TASP1: variants seen among roughly 807,000 people sequenced by gnomAD.
TASP1 encodes threonine aspartase 1.
TASP1 carries 16 observed loss-of-function variants against 56.6 expected under a neutral mutation model. The observed-to-expected ratio is 0.28, with a 90% CI of 0.19 to 0.43. The LOEUF (loss-of-function observed/expected upper bound fraction) is 0.43, where lower values mean the gene tolerates loss of function less well. Among genes scored for constraint, TASP1 ranks in the 20% least tolerant of loss-of-function variants. The pLI is 1.00. For missense variants in TASP1, 393 were observed against 511.6 expected (o/e 0.77, Z 2.24); for synonymous variants, 179 against 184.2 (o/e 0.97, Z 0.23).
chr20:13,381,597 T>G, the TASP1 span, among the ~76,000 whole-genome samples: 1 of 152,252 alleles, frequency 6.6e-6, no homozygotes, highest in African/African-American at 2.4e-5. Context: ...TCCTCTTTTT[T>G]GCTTCTTTTT....
At position 13,604,924 on chromosome 20, in the gene TASP1, T is replaced by C. The variant is rs548221813; in HGVS notation, c.283-17554A>G. Among the ~76,000 whole-genome samples the C allele has an allele frequency of 7.9e-5, 12 of 151,616 alleles. No homozygotes were observed. In the South Asian group the frequency reaches 2.5e-3, roughly 32 times the overall value. ...AGCAATTCTATTCCTAAGAATTTTA[T>C]CTGTGAGAAATGAAAGCATATGTTC... On this transcript the variant is annotated intron_variant, in intron 4 of 13. Coordinates refer to ENST00000337743, the MANE Select transcript of TASP1 (RefSeq NM_017714.3).
the TASP1 span, among the ~76,000 whole-genome samples, chr20:13,226,155 A>C: frequency 6.7e-6 from 1 of 148,772 alleles, no homozygotes; most frequent in Non-Finnish European, 1.5e-5. Flanking sequence ...GAATGTAGTA[A>C]AATGTCTTTG....
intron 10 of TASP1, among the ~76,000 whole-genome samples, chr20:13,498,892 A>AATTCAAAAAACTTCTGGTGCCC (rs2043838987): frequency 6.6e-6 from 1 of 152,158 alleles, no homozygotes; most frequent in South Asian, 2.1e-4. Flanking sequence ...CCACTGTGGA[A>AATTCAAAAAACTTCTGGTGCCC]AGCAGTTTGG....
chr20:13,116,045 G>T, the TASP1 span, among the ~76,000 whole-genome samples: 1 of 152,046 alleles, frequency 6.6e-6, no homozygotes, highest in African/African-American at 2.4e-5. Context: ...ACTGTATTTG[G>T]CCTTTATTTC....
chr20:13,619,187 C>T (rs774408699), intron 4 of TASP1, among the ~76,000 whole-genome samples: 1 of 152,114 alleles, frequency 6.6e-6, no homozygotes, highest in Non-Finnish European at 1.5e-5. Flanking sequence ...CATGAGCCAC[C>T]GTGCCCGGCC....
the TASP1 span, among the ~76,000 whole-genome samples, chr20:13,124,055 C>T: frequency 6.6e-6 from 1 of 152,210 alleles, no homozygotes; most frequent in Non-Finnish European, 1.5e-5. Context: ...TCCGGATACC[C>T]TGTGGCTGAT....
chr20:13,585,391 T>C (rs2047266350), intron 5 of TASP1, among the ~76,000 whole-genome samples: 1 of 152,108 alleles, frequency 6.6e-6, no homozygotes, highest in Admixed American at 6.6e-5. Flanking sequence ...AAAAACACCA[T>C]TAAGAGATTG....
the TASP1 span, among the ~76,000 whole-genome samples, chr20:13,162,348 G>A: frequency 6.6e-6 from 1 of 152,142 alleles, no homozygotes; most frequent in Non-Finnish European, 1.5e-5. Context: ...TCATGTATGT[G>A]ATTCTCTTCA....
the TASP1 span, among the ~76,000 whole-genome samples, chr20:13,216,604 C>T: frequency 2.6e-5 from 4 of 152,176 alleles, no homozygotes; most frequent in South Asian, 2.1e-4. Flanking sequence ...AAAAAGTTTG[C>T]CATCCCTCCA....
the TASP1 span, among the ~76,000 whole-genome samples, chr20:13,160,322 G>T: frequency 6.6e-6 from 1 of 152,358 alleles, no homozygotes; most frequent in South Asian, 2.1e-4. Flanking sequence ...TCAGTAGATA[G>T]AAATGAAAAT....
At chr20:13,359,141 C>G in the TASP1 span, among the ~76,000 whole-genome samples, 2 of 131,532 alleles carry the variant, frequency 1.5e-5, no homozygotes, top group Non-Finnish European at 3.1e-5. Flanking sequence ...CTTATCTCTG[C>G]GCCCCAGCCA....
the TASP1 span, among the ~76,000 whole-genome samples, chr20:13,370,933 A>G: frequency 2.0e-5 from 3 of 152,162 alleles, no homozygotes; most frequent in Non-Finnish European, 4.4e-5. Flanking sequence ...AATTTCATCT[A>G]AGTTGTCTGA....
At chr20:13,486,303 C>T (rs1489112023) in intron 10 of TASP1, among the ~76,000 whole-genome samples, 1 of 152,074 alleles carries the variant, frequency 6.6e-6, no homozygotes, top group African/African-American at 2.4e-5. Context: ...TGTGTATGTT[C>T]TCACATCTTA....
the TASP1 span, among the ~76,000 whole-genome samples, chr20:13,140,882 C>A: frequency 6.6e-6 from 1 of 152,164 alleles, no homozygotes; most frequent in South Asian, 2.1e-4. Context: ...TTCATTTACT[C>A]TGATTATTTG....
At chr20:13,483,405 T>TAAGGGTGTTCTAATGC in intron 10 of TASP1, 68 bp from the exon 11 acceptor site, 9 of 1,043,144 alleles carry the variant, frequency 8.6e-6, no homozygotes, top group Non-Finnish European at 1.1e-5. Flanking sequence ...TTCAATAGCA[T>TAAGGGTGTTCTAATGC]TAGAACACCC....
chr20:13,359,024 A>G, the TASP1 span, among the ~76,000 whole-genome samples: 1 of 141,934 alleles, frequency 7.0e-6, no homozygotes. Context: ...CTTCACCCTT[A>G]GCGGCAAGTC....
In TASP1 at chr20:13,432,453, A is replaced by G. The variant is rs539174735; in HGVS notation, c.1096+2591T>C. 2.0e-5 allele frequency among the ~76,000 whole-genome samples: 3 copies of G among 152,254 alleles called. No individual in the cohort carries two copies. The East Asian group carries it at 5.8e-4, about 29-fold the overall frequency. ...ATTCCTGTCCTTCTATACTGTTTGA[A>G]TTTACTTTGTTTCCTATCCTTCTAT... On this transcript the variant is annotated intron_variant, in intron 12 of 13. Transcript: ENST00000337743.
At chr20:13,220,259 GAGC>G in the TASP1 span, among the ~76,000 whole-genome samples, 1 of 152,216 alleles carries the variant, frequency 6.6e-6, no homozygotes, top group Admixed American at 6.5e-5. Flanking sequence ...GCGGGAGCCC[GAGC>G]AAGGTCAAGG....
At chr20:13,577,228 T>C (rs6079115) in intron 6 of TASP1, among the ~76,000 whole-genome samples, 95,613 of 151,900 alleles carry the variant, frequency 0.63, 30,567 homozygotes, top group Non-Finnish European at 0.69. Context: ...GTAAGTGTTT[T>C]GTTGAATGAT....
Sources: allele counts gnomAD v4.1 joint callset (sites outside exome capture counted in the v4.1 genomes callset), GRCh38; gene constraint gnomAD v4.1.1; transcripts MANE v1.5; gene names NCBI Gene and HGNC (gene_info 2026-07-23, HGNC 2026-07-21).